TANC2: variants seen among roughly 807,000 people sequenced by gnomAD.
TANC2 encodes the protein protein TANC2.
A neutral mutation model predicts 210.5 loss-of-function variants in TANC2; 26 were observed. The ratio of observed to expected loss-of-function variants is 0.12; its 90% CI spans 0.09 to 0.17. TANC2 has a LOEUF of 0.17. TANC2 is among the 10% of genes least tolerant of loss of function. TANC2 has a pLI of 1.00. For missense variants in TANC2, 2,129 were observed against 2,608.9 expected (o/e 0.82, Z 4.01); for synonymous variants, 931 against 967.1 (o/e 0.96, Z 0.69).
intron 3 of TANC2, among the ~76,000 whole-genome samples, chr17:63,095,014 A>AGTAATGT (rs1336671395): frequency 6.6e-6 from 1 of 150,690 alleles, no homozygotes; most frequent in African/African-American, 2.4e-5. Flanking sequence ...TTTTTTTTTT[A>AGTAATGT]ACTTCATGTT....
intron 13 of TANC2, among the ~76,000 whole-genome samples, chr17:63,352,827 A>G (rs1598921567): frequency 6.6e-6 from 1 of 152,264 alleles, no homozygotes; most frequent in Middle Eastern, 3.4e-3. Flanking sequence ...AGAGTATTTC[A>G]GGGACTGTTC....
intron 8 of TANC2, among the ~76,000 whole-genome samples, chr17:63,249,508 T>G (rs915930490): frequency 3.9e-5 from 6 of 152,118 alleles, no homozygotes; most frequent in Admixed American, 6.6e-5. Context: ...TCGTCAGTGC[T>G]TTGTGTGAGA....
rs1350847116 is a variant in TANC2, at chr17:63,418,440, G to A, written c.4268+33G>A. 1 of 1,587,850 alleles carries A rather than the reference G, an allele frequency of 6.3e-7. No homozygotes were observed. The highest frequency in any genetic ancestry group is 2.3e-5 in the East Asian group (1 of 44,028). On this transcript the variant is annotated intron_variant, in intron 27 of 27. Transcript: ENST00000689528. This position sits in a 1 kb window ranked among gnomAD's most constrained non-coding sequence, Gnocchi z 4.6. ...GAGAGAGAGAGGGTGAAAGCAAGAG[G>A]TCTCTTTTCTGAAAATTTGGCCAAG... is the stretch of plus-strand genomic sequence containing the variant.
At chr17:63,270,766 A>C (rs185894488) in intron 9 of TANC2, among the ~76,000 whole-genome samples, 7 of 152,182 alleles carry the variant, frequency 4.6e-5, no homozygotes, top group Admixed American at 3.9e-4. Flanking sequence ...TCATCACCCA[A>C]GTATTAAGCC....
intron 4 of TANC2, chr17:63,151,017 A>G (rs2039631291): frequency 6.7e-6 from 1 of 149,824 alleles, no homozygotes; most frequent in Non-Finnish European, 1.5e-5. Context: ...CATCTCCTCT[A>G]TGAAGAATGC....
rs141487498 is a variant in TANC2, at chr17:63,116,315, G to A, written c.322+16958G>A. Among the ~76,000 whole-genome samples the A allele has an allele frequency of 3.7e-3, 563 of 152,290 alleles. 5 individuals are homozygous for A. The highest frequency in any genetic ancestry group is 0.012 in the African/African-American group (518 of 41,562). ...AAGACTATAGAGAGAGTACCATTACGACAATTCTATGCATTGGTGCTTTCA... is the reference window on the plus strand; with the variant it reads ...AAGACTATAGAGAGAGTACCATTACAACAATTCTATGCATTGGTGCTTTCA... On this transcript the variant is annotated intron_variant, in intron 4 of 27. Coordinates refer to ENST00000689528, the Ensembl canonical transcript of TANC2.
At chr17:63,401,653 AT>A (rs2048347861) in intron 19 of TANC2, among the ~76,000 whole-genome samples, 3 of 152,156 alleles carry the variant, frequency 2.0e-5, no homozygotes, top group South Asian at 4.1e-4. Flanking sequence ...AGCTTTCACT[AT>A]CTGCTGACCC....
At chr17:63,101,986 G>T (rs2037639892) in intron 4 of TANC2, among the ~76,000 whole-genome samples, 1 of 152,148 alleles carries the variant, frequency 6.6e-6, no homozygotes, top group South Asian at 2.1e-4. Flanking sequence ...AGCAGAGTAA[G>T]TCTGAAGGGA....
At chr17:63,174,762 C>T (rs1191052557) in intron 5 of TANC2, among the ~76,000 whole-genome samples, 2 of 152,092 alleles carry the variant, frequency 1.3e-5, no homozygotes, top group African/African-American at 4.8e-5. Flanking sequence ...AATGTAATTA[C>T]ATATATAAAT....
chr17:63,116,189 C>A (rs1464579781), intron 4 of TANC2, among the ~76,000 whole-genome samples: 1 of 152,086 alleles, frequency 6.6e-6, no homozygotes, highest in Non-Finnish European at 1.5e-5. Context: ...TATAGAACTA[C>A]CCTATATAAA....
intron 9 of TANC2, among the ~76,000 whole-genome samples, chr17:63,311,491 C>T (rs1478123541): frequency 6.6e-6 from 1 of 152,104 alleles, no homozygotes; most frequent in Non-Finnish European, 1.5e-5. Flanking sequence ...AACACAGTTA[C>T]TATTTTATCT....
intron 5 of TANC2, among the ~76,000 whole-genome samples, chr17:63,183,971 C>A (rs113630377): frequency 6.6e-6 from 1 of 151,434 alleles, no homozygotes; most frequent in African/African-American, 2.4e-5. Context: ...GAGCCGAGAT[C>A]GCGCCACTGC....
At chr17:63,135,579 A>G (rs1455308559) in intron 4 of TANC2, among the ~76,000 whole-genome samples, 1 of 152,110 alleles carries the variant, frequency 6.6e-6, no homozygotes, top group Non-Finnish European at 1.5e-5. Context: ...TAGGAAGGCC[A>G]TATATTACAA....
intron 4 of TANC2, among the ~76,000 whole-genome samples, chr17:63,140,649 C>T (rs1173520597): frequency 6.6e-6 from 1 of 152,186 alleles, no homozygotes; most frequent in Non-Finnish European, 1.5e-5. Flanking sequence ...CTAGTAATGC[C>T]CACTGCGCTA....
intron 7 of TANC2, among the ~76,000 whole-genome samples, chr17:63,217,092 T>C (rs528553296): frequency 6.6e-6 from 1 of 152,360 alleles, no homozygotes; most frequent in East Asian, 1.9e-4. Flanking sequence ...AGGAAATTTA[T>C]AGCATTAAGA....
chr17:63,120,853 T>C (rs2038446054), intron 4 of TANC2: 2 of 150,332 alleles, frequency 1.3e-5, no homozygotes, highest in Admixed American at 1.3e-4. Flanking sequence ...TATTCAATAT[T>C]GTTCATATAA....
chr17:63,136,284 T>G (rs2145264594), intron 4 of TANC2, among the ~76,000 whole-genome samples: 1 of 152,350 alleles, frequency 6.6e-6, no homozygotes, highest in African/African-American at 2.4e-5. Context: ...TTATTGCTTC[T>G]ATGTTCTATC....
At chr17:63,127,205 C>G (rs2038743417) in intron 4 of TANC2, among the ~76,000 whole-genome samples, 2 of 152,168 alleles carry the variant, frequency 1.3e-5, no homozygotes, top group South Asian at 4.1e-4. Flanking sequence ...CTTCTCCATT[C>G]TGGGGATAAA....
chr17:62,996,644 A>G (rs1016624108), intron 1 of TANC2, among the ~76,000 whole-genome samples: 1 of 152,080 alleles, frequency 6.6e-6, no homozygotes, highest in Admixed American at 6.5e-5. Context: ...TAAGAACACT[A>G]TTGCATTTGT....
Sources: allele counts gnomAD v4.1 joint callset (sites outside exome capture counted in the v4.1 genomes callset), GRCh38; gene constraint gnomAD v4.1.1; non-coding constraint Gnocchi (gnomAD v3.1); transcripts MANE v1.5; gene names NCBI Gene and HGNC (gene_info 2026-07-23, HGNC 2026-07-21).